Variants in CYP2C19 observed in about 807,000 individuals in gnomAD.
CYP2C19 encodes cytochrome P450 2C19.
Under a neutral mutation model 40.9 loss-of-function variants are expected in CYP2C19, and 59 were observed. That is an observed-to-expected ratio of 1.44 (90% CI 1.17 to 1.79). The LOEUF (loss-of-function observed/expected upper bound fraction) is 1.79. CYP2C19 is among the 40% of genes most tolerant of loss of function. The probability of loss-of-function intolerance (pLI) is 0.00; values close to 1 mark genes in which losing one functional copy is unlikely to be tolerated. For missense variants in CYP2C19, 754 were observed against 596.9 expected (o/e 1.26, Z -2.74); for synonymous variants, 253 against 208.7 (o/e 1.21, Z -1.83).
chr10:94,849,785 A>G (rs749877287), intron 7 of CYP2C19, 132 bp from the exon 8 acceptor site: 100 of 1,124,164 alleles, frequency 8.9e-5, no homozygotes, highest in Non-Finnish European at 1.2e-4. Context: ...TCTGTCTGGA[A>G]ATGGTACTGC....
At position 94,762,729 on chromosome 10, in the gene CYP2C19, G is replaced by C. The variant is rs779012951; in HGVS notation, c.24G>C (p.Val8=). 4.3e-6 allele frequency: 7 copies of C among 1,613,538 alleles called. No homozygotes were observed. The African/African-American group carries it at 6.7e-5, about 15-fold the overall frequency. Residue 8 remains valine (V), a synonymous_variant, in exon 1 of 9, where the codon GTG becomes GTC. Coordinates refer to ENST00000371321, the MANE Select transcript of CYP2C19 (RefSeq NM_000769.4). MDPFVVL[V]LCLSCLLLLS... is the part of the protein sequence containing the mutation. ...CAATGGATCCTTTTGTGGTCCTTGT[G>C]CTCTGTCTCTCATGTTTGCTTCTCC...
At chr10:94,768,234 T>C (rs1481335032) in intron 1 of CYP2C19, among the ~76,000 whole-genome samples, 1 of 152,206 alleles carries the variant, frequency 6.6e-6, no homozygotes, top group African/African-American at 2.4e-5. Context: ...TGCCACCAGT[T>C]CTGCTAACTG....
chr10:94,800,525 C>T (rs1319347384), intron 5 of CYP2C19, among the ~76,000 whole-genome samples: 5 of 152,192 alleles, frequency 3.3e-5, no homozygotes, highest in South Asian at 2.1e-4. Flanking sequence ...AGAGCTCAAA[C>T]GCCATGGTGG....
At chr10:94,787,878 G>A (rs1848561595) in intron 5 of CYP2C19, among the ~76,000 whole-genome samples, 1 of 152,026 alleles carries the variant, frequency 6.6e-6, no homozygotes, top group Admixed American at 6.6e-5. Flanking sequence ...ACGAATTTTA[G>A]AATAGTTTTT....
intron 7 of CYP2C19, among the ~76,000 whole-genome samples, chr10:94,844,930 C>A (rs977932143): frequency 1.3e-5 from 2 of 152,198 alleles, no homozygotes; most frequent in African/African-American, 4.8e-5. Context: ...AAGGGGAATG[C>A]TGCATCTGAT....
chr10:94,816,026 C>T (rs1410360187), intron 5 of CYP2C19, among the ~76,000 whole-genome samples: 1 of 151,984 alleles, frequency 6.6e-6, no homozygotes, highest in Non-Finnish European at 1.5e-5. Flanking sequence ...TTTATGTCTT[C>T]TCATTTGTGT....
chr10:94,784,410 A>G (rs551550340), intron 5 of CYP2C19, among the ~76,000 whole-genome samples: 1 of 152,044 alleles, frequency 6.6e-6, no homozygotes, highest in African/African-American at 2.4e-5. Flanking sequence ...GTGTATTCTC[A>G]GGAGTTGATT....
intron 1 of CYP2C19, among the ~76,000 whole-genome samples, chr10:94,772,948 A>AT (rs1309242269): frequency 4.0e-5 from 6 of 151,658 alleles, no homozygotes; most frequent in East Asian, 1.9e-4. Flanking sequence ...CGCCCGGCTA[A>AT]TTTTTTGTAT....
At chr10:94,816,741 A>G (rs1396887091) in intron 5 of CYP2C19, among the ~76,000 whole-genome samples, 1 of 107,168 alleles carries the variant, frequency 9.3e-6, no homozygotes, top group Non-Finnish European at 1.8e-5. Context: ...CCCCCACCCC[A>G]CATCAGTCCC....
Position 94,777,690 on chromosome 10 carries a change from A to G in CYP2C19, c.481+2151A>G, listed in dbSNP as rs139166179. On this transcript the variant is annotated intron_variant, in intron 3 of 8. Coordinates refer to ENST00000371321, the MANE Select transcript of CYP2C19 (RefSeq NM_000769.4). ...AGACTTAAACATAAAACCTAAAACT[A>G]TAAAAACCCTAGAGAAAAACCCAGG... Among the ~76,000 whole-genome samples the G allele has an allele frequency of 1.3e-3, 200 of 152,326 alleles. 1 individual carries two copies. Among genetic ancestry groups the G allele is most frequent in the African/African-American group, 4.5e-3 (188 of 41,588 alleles).
At chr10:94,803,099 G>A (rs1564670071) in intron 5 of CYP2C19, among the ~76,000 whole-genome samples, 1 of 152,160 alleles carries the variant, frequency 6.6e-6, no homozygotes, top group Non-Finnish European at 1.5e-5. Flanking sequence ...TGGGGAGTTA[G>A]TGTGGTCTTT....
intron 5 of CYP2C19, among the ~76,000 whole-genome samples, chr10:94,791,413 G>C (rs556838034): frequency 1.3e-5 from 2 of 152,178 alleles, no homozygotes; most frequent in East Asian, 3.9e-4. Flanking sequence ...GCTAGCTTTT[G>C]AATATATTTG....
chr10:94,794,972 C>G (rs887678985), intron 5 of CYP2C19, among the ~76,000 whole-genome samples: 1 of 151,826 alleles, frequency 6.6e-6, no homozygotes, highest in African/African-American at 2.4e-5. Context: ...AGAGGGCATC[C>G]TTGTCTTGTG....
chr10:94,801,386 C>G (rs1223282400), intron 5 of CYP2C19, among the ~76,000 whole-genome samples: 1 of 152,130 alleles, frequency 6.6e-6, no homozygotes, highest in Non-Finnish European at 1.5e-5. Flanking sequence ...GTTCAGTTAC[C>G]ATGTCATCAT....
chr10:94,852,804 A>T lies in CYP2C19; in HGVS notation c.1363A>T (p.Asn455Tyr), dbSNP rs1440692128. The T allele has an allele frequency of 4.3e-6, 7 of 1,614,028 alleles. No individual in the cohort carries two copies. The highest frequency in any genetic ancestry group is 5.9e-6 in the Non-Finnish European group (7 of 1,179,970). Reference protein sequence around the residue: ...LFLFLTFILQNFNLKSLIDPK... With the variant: ...LFLFLTFILQYFNLKSLIDPK... ...TTTATTCCTGACCTTCATTTTACAG[A>T]ACTTTAACCTGAAATCTCTGATTGA... Residue 455 changes from asparagine (N) to tyrosine (Y), a missense_variant, in exon 9 of 9, where the codon AAC becomes TAC. Physicochemically the swap from Asn to Tyr is moderately radical, Grantham distance 143 (BLOSUM62 -2). Coordinates refer to ENST00000371321, the MANE Select transcript of CYP2C19 (RefSeq NM_000769.4).
intron 1 of CYP2C19, among the ~76,000 whole-genome samples, chr10:94,763,557 T>C (rs948721257): frequency 4.6e-5 from 7 of 152,142 alleles, no homozygotes; most frequent in African/African-American, 9.7e-5. Context: ...CCTCATTGTG[T>C]AGTTATTAGC....
chr10:94,809,403 A>G (rs547825249), intron 5 of CYP2C19, among the ~76,000 whole-genome samples: 1 of 152,086 alleles, frequency 6.6e-6, no homozygotes, highest in East Asian at 1.9e-4. Context: ...CACTTTATTG[A>G]TTGTGTCCTT....
chr10:94,829,002 T>G (rs534204511), intron 6 of CYP2C19, among the ~76,000 whole-genome samples: 1 of 152,102 alleles, frequency 6.6e-6, no homozygotes, highest in East Asian at 1.9e-4. Flanking sequence ...CCCACTCTCT[T>G]CTGGCTTGTA....
chr10:94,812,859 T>G (rs1848946727), intron 5 of CYP2C19, among the ~76,000 whole-genome samples: 1 of 152,114 alleles, frequency 6.6e-6, no homozygotes, highest in Non-Finnish European at 1.5e-5. Flanking sequence ...GAAGCCTACT[T>G]CTGTCAATTC....
Sources: gnomAD v4.1 joint callset for allele counts (sites outside exome capture counted in the v4.1 genomes callset) on GRCh38, gnomAD v4.1.1 for gene constraint, MANE v1.5 for transcripts, NCBI Gene and HGNC (gene_info 2026-07-23, HGNC 2026-07-21) for gene names.